Variants in ANK2 observed in about 807,000 individuals in gnomAD.
The protein encoded by ANK2 is ankyrin 2.
Under a neutral mutation model 360.5 loss-of-function variants are expected in ANK2, and 83 were observed. The observed-to-expected ratio is 0.23, with a 90% CI of 0.19 to 0.28. ANK2 has a LOEUF of 0.28. Ranked by LOEUF, ANK2 falls within the 10% of genes least tolerant of loss-of-function variation. The probability of loss-of-function intolerance (pLI) is 1.00; values close to 1 mark genes in which losing one functional copy is unlikely to be tolerated. For missense variants in ANK2, 4,201 were observed against 4,795.7 expected (o/e 0.88, Z 3.66); for synonymous variants, 1,740 against 1,759.5 (o/e 0.99, Z 0.28).
intron 5 of ANK2, among the ~76,000 whole-genome samples, chr4:113,233,292 G>C (rs1324057335): frequency 1.3e-5 from 2 of 149,748 alleles, no homozygotes; most frequent in Non-Finnish European, 3.0e-5. Context: ...CCGCCACTAC[G>C]CCCGGCTAAT....
chr4:113,167,932 T>A (rs2097805028), intron 1 of ANK2, among the ~76,000 whole-genome samples: 1 of 152,224 alleles, frequency 6.6e-6, no homozygotes, highest in African/African-American at 2.4e-5. Flanking sequence ...TAGATATGGT[T>A]CATTCATTCC....
At chr4:112,763,689 G>C in the ANK2 span, among the ~76,000 whole-genome samples, 1 of 150,692 alleles carries the variant, frequency 6.6e-6, no homozygotes, top group Admixed American at 6.7e-5. Context: ...CCGCCACGGG[G>C]CCCGACTAAT....
At chr4:113,315,417 T>C (rs983458798) in intron 24 of ANK2, among the ~76,000 whole-genome samples, 4 of 152,320 alleles carry the variant, frequency 2.6e-5, no homozygotes, top group African/African-American at 9.6e-5. Flanking sequence ...GGTACCATTA[T>C]TTACCATTCA....
chr4:113,177,573 G>A (rs1717918383), intron 2 of ANK2, among the ~76,000 whole-genome samples: 1 of 152,172 alleles, frequency 6.6e-6, no homozygotes, highest in South Asian at 2.1e-4. Flanking sequence ...TCACACTGAA[G>A]TATAACAAAT....
At chr4:112,933,701 T>C (rs1470429669) in intron 2 of ANK2, among the ~76,000 whole-genome samples, 1 of 152,144 alleles carries the variant, frequency 6.6e-6, no homozygotes, top group African/African-American at 2.4e-5. Context: ...GGTTTTGCCA[T>C]GTTGGTCAGG....
At chr4:112,872,231 C>T (rs2073371537) in intron 1 of ANK2, among the ~76,000 whole-genome samples, 1 of 151,750 alleles carries the variant, frequency 6.6e-6, no homozygotes, top group African/African-American at 2.4e-5. Context: ...GGTCTTGCTA[C>T]GTTGCCTAGG....
At chr4:113,317,942 A>G in intron 25 of ANK2, 133 bp downstream of exon 25, 2 of 798,984 alleles carry the variant, frequency 2.5e-6, no homozygotes, top group South Asian at 1.5e-5. Flanking sequence ...CTAGGATAAG[A>G]GATTTGAGGG....
At chr4:112,777,230 T>TTTTA in the ANK2 span, among the ~76,000 whole-genome samples, 46 of 152,000 alleles carry the variant, frequency 3.0e-4, no homozygotes, top group Non-Finnish European at 5.1e-4. Flanking sequence ...CCAAGTAAAT[T>TTTTA]TTTATTTATT....
intron 26 of ANK2, among the ~76,000 whole-genome samples, chr4:113,322,375 C>G (rs949117587): frequency 5.3e-5 from 8 of 152,182 alleles, no homozygotes; most frequent in Admixed American, 3.3e-4. Flanking sequence ...AAAGTGTTGT[C>G]TTCAGATTCA....
chr4:112,883,018 C>CT (rs536262490), intron 1 of ANK2, among the ~76,000 whole-genome samples: 9 of 30,500 alleles, frequency 3.0e-4, no homozygotes, highest in East Asian at 1.3e-3. Context: ...CTTGGTTAGT[C>CT]TTTTTTTTTT....
rs2063275686 is a variant in ANK2 at position 113,283,654 on chromosome 4, T to C, written c.2079+782T>C. 3.3e-5 allele frequency among the ~76,000 whole-genome samples: 5 copies of C among 152,336 alleles called. No individual in the cohort carries two copies. In the South Asian group the frequency reaches 1.0e-3, roughly 32 times the overall value. On this transcript the variant is annotated intron_variant, in intron 18 of 45. Coordinates refer to ENST00000357077, the MANE Select transcript of ANK2 (RefSeq NM_001148.6). ...ATCTACATAAAGACCTATAGATCCA[T>C]CTATCTAACTTTCTATCTTACACTT...
intron 2 of ANK2, among the ~76,000 whole-genome samples, chr4:112,929,994 T>A (rs1334338673): frequency 6.6e-6 from 1 of 152,204 alleles, no homozygotes; most frequent in Non-Finnish European, 1.5e-5. Flanking sequence ...TGAGTGATTG[T>A]CTTGTCACTT....
At chr4:112,832,647 C>T (rs938326684) in intron 1 of ANK2, among the ~76,000 whole-genome samples, 2 of 152,156 alleles carry the variant, frequency 1.3e-5, no homozygotes, top group African/African-American at 4.8e-5. Context: ...AAACTAAGTC[C>T]TGTAAGAACA....
intron 20 of ANK2, among the ~76,000 whole-genome samples, chr4:113,290,975 C>T (rs1587358379): frequency 1.3e-5 from 2 of 152,304 alleles, no homozygotes; most frequent in African/African-American, 4.8e-5. Flanking sequence ...TAGATTAAAT[C>T]AGGGCTGGGG....
rs1342966793 is a variant in ANK2 at position 113,355,508 on chromosome 4, C to T, written c.6890C>T (p.Thr2297Ile). Residue 2297 changes from threonine to isoleucine, a missense_variant, in exon 38 of 46, where the codon ACT becomes ATT. By Grantham distance (89) the Thr-to-Ile change is moderately conservative. This residue lies in a region of ANK2 where 2,642 missense variants were observed against 2,714.5 expected (regional missense o/e 0.97). Transcript: ENST00000357077. ...GGSEERGATVTEDSETSTESF... is the reference protein window; with the variant it reads ...GGSEERGATVIEDSETSTESF... ...TCTGAAGAGCGAGGTGCCACAGTCA[C>T]TGAGGACTCAGAGACCTCTACTGAG... 6.2e-7 allele frequency: 1 copy of T among 1,614,072 alleles called. No homozygotes were observed. The highest frequency in any genetic ancestry group is 1.7e-5 in the Admixed American group (1 of 60,020).
rs553453819 is a variant in ANK2 at position 112,844,471 on chromosome 4, G to A, written c.-40+26207G>A. Reference sequence around the variant, plus strand: ...TGAGGCCTGGCTTTTCCTTTATCAGGAACTGTGCCAATGTTTGCAAATGAG... The same window carrying A: ...TGAGGCCTGGCTTTTCCTTTATCAGAAACTGTGCCAATGTTTGCAAATGAG... On this transcript the variant is annotated intron_variant, in intron 1 of 30. Transcript: ENST00000503271. Among the ~76,000 whole-genome samples, 36 of 152,300 alleles carry A rather than the reference G, an allele frequency of 2.4e-4. No individual in the cohort carries two copies. In the South Asian group the frequency reaches 6.8e-3, roughly 29 times the overall value.
chr4:113,037,417 G>C lies in ANK2; in HGVS notation c.21+132903G>C, dbSNP rs74987607. Among the ~76,000 whole-genome samples, 723 of 151,626 alleles carry C rather than the reference G, an allele frequency of 4.8e-3. 8 individuals are homozygous for C. The highest frequency in any genetic ancestry group is 0.017 in the African/African-American group (682 of 41,186). ...GCTCTCATCAATTTCAATCTTTGTA[G>C]CATTAAATGTATTATTATTGTTATA... On this transcript the variant is annotated intron_variant, in intron 2 of 30. Transcript: ENST00000503271.
At chr4:112,967,707 A>G (rs1049805337) in intron 2 of ANK2, among the ~76,000 whole-genome samples, 3 of 152,326 alleles carry the variant, frequency 2.0e-5, no homozygotes, top group South Asian at 2.1e-4. Flanking sequence ...ATGTTATATC[A>G]GTTTTTATTT....
intron 1 of ANK2, among the ~76,000 whole-genome samples, chr4:112,875,250 T>A (rs2074670118): frequency 6.6e-6 from 1 of 152,044 alleles, no homozygotes; most frequent in African/African-American, 2.4e-5. Flanking sequence ...AACTCCTGAC[T>A]TCAAGTGGTC....
Sources: gnomAD v4.1 joint callset for allele counts (sites outside exome capture counted in the v4.1 genomes callset) on GRCh38, gnomAD v4.1.1 for gene constraint, gnomAD v4.1.1 regional missense constraint, MANE v1.5 for transcripts, NCBI Gene and HGNC (gene_info 2026-07-23, HGNC 2026-07-21) for gene names.